The following CTNND2 variants were observed in gnomAD, a reference collection of about 807,000 sequenced individuals.
CTNND2 encodes catenin delta 2.
Under a neutral mutation model 144.4 loss-of-function variants are expected in CTNND2, and 22 were observed. That is an observed-to-expected ratio of 0.15 (90% CI 0.11 to 0.22). CTNND2 has a LOEUF of 0.22. Ranked by LOEUF, CTNND2 falls within the 10% of genes least tolerant of loss-of-function variation. CTNND2 has a pLI of 1.00. For missense variants in CTNND2, 1,353 were observed against 1,618.8 expected (o/e 0.84, Z 2.82); for synonymous variants, 751 against 695.6 (o/e 1.08, Z -1.25).
At position 11,098,563 on chromosome 5, in the gene CTNND2, A is replaced by T. The variant is rs778576687; in HGVS notation, c.2637+12T>A. ...CTCCAGATTTCTTTTTATTGTAATG[A>T]ACTGGCCATACCTTCCAGCTCCCTG... is the stretch of plus-strand genomic sequence containing the variant. On this transcript the variant is annotated intron_variant, in intron 15 of 21. Coordinates refer to ENST00000304623, the MANE Select transcript of CTNND2 (RefSeq NM_001332.4). 6.2e-7 allele frequency: 1 copy of T among 1,611,024 alleles called. No homozygotes were observed. The highest frequency in any genetic ancestry group is 8.5e-7 in the Non-Finnish European group (1 of 1,178,880).
chr5:11,594,297 T>C (rs949061847), intron 2 of CTNND2, among the ~76,000 whole-genome samples: 8 of 152,206 alleles, frequency 5.3e-5, no homozygotes, highest in African/African-American at 1.9e-4. Context: ...TGCTGGAATA[T>C]ATTAGGCTGG....
chr5:11,718,725 C>T (rs774666745), intron 2 of CTNND2, among the ~76,000 whole-genome samples: 8 of 152,120 alleles, frequency 5.3e-5, no homozygotes, highest in Non-Finnish European at 1.0e-4. Context: ...GAAACGCCTC[C>T]TGCACTCTCT....
intron 10 of CTNND2, among the ~76,000 whole-genome samples, chr5:11,229,433 A>G (rs1386214414): frequency 6.6e-6 from 1 of 152,156 alleles, no homozygotes; most frequent in African/African-American, 2.4e-5. Flanking sequence ...AAGGCTGAGG[A>G]CCACTTGTGC....
chr5:11,168,968 T>C (rs1759627723), intron 11 of CTNND2, among the ~76,000 whole-genome samples: 1 of 152,212 alleles, frequency 6.6e-6, no homozygotes, highest in Non-Finnish European at 1.5e-5. Flanking sequence ...CCTATCCCTG[T>C]GTTAGACCAT....
At chr5:10,975,974 A>C (rs1736419367) in intron 21 of CTNND2, among the ~76,000 whole-genome samples, 2 of 152,192 alleles carry the variant, frequency 1.3e-5, no homozygotes, top group Admixed American at 1.3e-4. Flanking sequence ...CCAGAGAATT[A>C]ACTTCTTCAT....
intron 9 of CTNND2, among the ~76,000 whole-genome samples, chr5:11,257,474 G>A (rs182294562): frequency 6.8e-4 from 103 of 152,308 alleles, no homozygotes; most frequent in Non-Finnish European, 4.4e-5. Flanking sequence ...CTCAGGAAAC[G>A]TACAGTCATG....
At chr5:11,622,023 G>C (rs1780869971) in intron 2 of CTNND2, among the ~76,000 whole-genome samples, 1 of 152,084 alleles carries the variant, frequency 6.6e-6, no homozygotes, top group South Asian at 2.1e-4. Context: ...TTTGTCAAAT[G>C]GATGCTTAAA....
At chr5:11,330,315 CAAA>C (rs1257414767) in intron 9 of CTNND2, among the ~76,000 whole-genome samples, 2 of 82,326 alleles carry the variant, frequency 2.4e-5, no homozygotes, top group Non-Finnish European at 2.5e-5. Flanking sequence ...ACTAAAAATA[CAAA>C]AAAAAAAAAA....
At chr5:11,063,519 A>G (rs1747225167) in intron 16 of CTNND2, among the ~76,000 whole-genome samples, 1 of 152,198 alleles carries the variant, frequency 6.6e-6, no homozygotes, top group African/African-American at 2.4e-5. Context: ...AGAATGAGCA[A>G]TAAGACACTT....
At chr5:11,755,903 TC>T (rs1195025135) in intron 1 of CTNND2, among the ~76,000 whole-genome samples, 13 of 151,606 alleles carry the variant, frequency 8.6e-5, no homozygotes, top group Admixed American at 6.6e-5. Flanking sequence ...TGATCTTTTT[TC>T]CTACCCTATG....
intron 9 of CTNND2, among the ~76,000 whole-genome samples, chr5:11,338,450 A>G (rs905911905): frequency 5.9e-5 from 9 of 152,176 alleles, no homozygotes; most frequent in African/African-American, 2.2e-4. Context: ...CTGATAGCAC[A>G]TGGATTTGGA....
chr5:11,639,608 C>T (rs902644751), intron 2 of CTNND2, among the ~76,000 whole-genome samples: 4 of 152,080 alleles, frequency 2.6e-5, no homozygotes, highest in South Asian at 2.1e-4. Flanking sequence ...TTAGTAAATA[C>T]GGAAAATTCT....
At chr5:11,866,261 CCA>C in intron 1 of CTNND2, among the ~76,000 whole-genome samples, 1 of 152,128 alleles carries the variant, frequency 6.6e-6, no homozygotes, top group South Asian at 2.1e-4. Flanking sequence ...TATGATTTTG[CCA>C]CTGCACTCCA....
At chr5:11,113,189 A>G (rs899423545) in intron 13 of CTNND2, among the ~76,000 whole-genome samples, 22 of 152,210 alleles carry the variant, frequency 1.4e-4, no homozygotes, top group African/African-American at 7.2e-5. Flanking sequence ...TATCATGTAC[A>G]GAGCCACAGT....
intron 10 of CTNND2, among the ~76,000 whole-genome samples, chr5:11,203,725 G>C (rs1737748673): frequency 6.6e-6 from 1 of 152,144 alleles, no homozygotes; most frequent in Admixed American, 6.5e-5. Context: ...AGGTTTCATA[G>C]CATTAAAATA....
chr5:11,824,341 G>A (rs976796139), intron 1 of CTNND2, among the ~76,000 whole-genome samples: 1 of 151,976 alleles, frequency 6.6e-6, no homozygotes, highest in Non-Finnish European at 1.5e-5. Flanking sequence ...CTTTGCTATA[G>A]AAAACAAAGG....
intron 11 of CTNND2, among the ~76,000 whole-genome samples, chr5:11,175,022 T>C (rs1760332470): frequency 6.6e-6 from 1 of 152,184 alleles, no homozygotes; most frequent in South Asian, 2.1e-4. Flanking sequence ...AGTATAAAGC[T>C]ACATTGTTTC....
chr5:11,796,535 G>A (rs993451255), intron 1 of CTNND2, among the ~76,000 whole-genome samples: 7 of 152,094 alleles, frequency 4.6e-5, no homozygotes, highest in African/African-American at 9.7e-5. Flanking sequence ...CTATAACATT[G>A]CTAAAACCTT....
chr5:11,749,366 G>A (rs1788484797), intron 1 of CTNND2, among the ~76,000 whole-genome samples: 1 of 151,928 alleles, frequency 6.6e-6, no homozygotes, highest in Non-Finnish European at 1.5e-5. Flanking sequence ...GTTTTTGAGG[G>A]TCATTACCTA....
Sources: gnomAD v4.1 joint callset for allele counts (sites outside exome capture counted in the v4.1 genomes callset) on GRCh38, gnomAD v4.1.1 for gene constraint, MANE v1.5 for transcripts, NCBI Gene and HGNC (gene_info 2026-07-23, HGNC 2026-07-21) for gene names.